DSC3: variants seen among roughly 807,000 people sequenced by gnomAD.
DSC3 encodes desmocollin-3.
Under a neutral mutation model 89.5 loss-of-function variants are expected in DSC3, and 97 were observed. The observed-to-expected ratio is 1.08, with a 90% CI of 0.92 to 1.28. The LOEUF (loss-of-function observed/expected upper bound fraction) is 1.28. Among genes scored for constraint, DSC3 ranks in the 50% most tolerant of loss-of-function variants. DSC3 has a pLI of 0.00. For missense variants in DSC3, 1,199 were observed against 1,085.3 expected, an observed-to-expected ratio of 1.10 and a Z score of -1.47; for synonymous variants, 436 against 384.1, an observed-to-expected ratio of 1.14 and a Z score of -1.58.
Position 30,993,250 on chromosome 18 carries a change from C to T in DSC3, c.*925G>A, listed in dbSNP as rs1050045450. 1.3e-5 allele frequency: 2 copies of T among 152,108 alleles called. No individual in the cohort carries two copies. The highest frequency in any genetic ancestry group is 4.8e-5 in the African/African-American group (2 of 41,408). 9.4% of individuals were successfully genotyped at this position (152,108 alleles called of 1,614,324 possible). A position where few individuals can be genotyped will look rare whatever the true frequency, so the allele number is the denominator to read the frequency against. ...CCTTGCTACCAAAAAGCAGGGAACC[C>T]CAGCTGCAGCGAGTATTCCCCAGTT... is the stretch of plus-strand genomic sequence containing the variant. On this transcript the variant is annotated 3_prime_UTR_variant, in exon 16 of 16. Transcript: ENST00000360428.
chr18:30,995,995 A>G lies in DSC3; in HGVS notation c.2493+796T>C, dbSNP rs996479034. On this transcript the variant is annotated intron_variant, in intron 15 of 15. Transcript: ENST00000360428. ...TTAAAAAAAAAAAAAAAAAAAAAAA[A>G]AAAAGAAAAGAAAGAAAAAAGCTTC... Among the ~76,000 whole-genome samples the G allele has an allele frequency of 3.0e-3, 439 of 147,966 alleles. 11 individuals are homozygous for G. Among genetic ancestry groups the G allele is most frequent in the African/African-American group, 0.011 (420 of 39,504 alleles).
intron 12 of DSC3, among the ~76,000 whole-genome samples, chr18:31,006,097 A>C (rs1035361665): frequency 1.3e-5 from 2 of 152,168 alleles, no homozygotes; most frequent in Non-Finnish European, 2.9e-5. Flanking sequence ...AGTACAGAAC[A>C]TGACAGCCCC....
chr18:31,022,631 T>C (rs1163485499), intron 6 of DSC3, 129 bp from the exon 7 acceptor site: 5 of 1,133,464 alleles, frequency 4.4e-6, no homozygotes, highest in African/African-American at 3.1e-5. Context: ...ATTACCAGAG[T>C]ATTATTTCAT....
intron 5 of DSC3, 39 bp downstream of exon 5, chr18:31,025,721 T>C (rs961245803): frequency 1.9e-6 from 3 of 1,594,548 alleles, no homozygotes; most frequent in Non-Finnish European, 2.6e-6. Context: ...GAAACATAGT[T>C]TAATAATTTA....
At chr18:31,030,036 T>C (rs1436288756) in intron 3 of DSC3, among the ~76,000 whole-genome samples, 1 of 152,200 alleles carries the variant, frequency 6.6e-6, no homozygotes, top group Non-Finnish European at 1.5e-5. Context: ...ATGTATGTCC[T>C]TCACTGCCAT....
At chr18:31,029,667 G>A (rs537697267) in intron 3 of DSC3, 39 bp from the exon 4 acceptor site, 26 of 1,612,108 alleles carry the variant, frequency 1.6e-5, no homozygotes, top group South Asian at 8.8e-5. Flanking sequence ...ATAAACAAAA[G>A]CATCACAGTC....
rs1308220751 is a variant in DSC3, at chr18:30,991,698, T to A, written c.*2477A>T. ...TGGCTTCTGGATACAGCAGGAAATT[T>A]CAGCAACTAGGCTTACAGAGAATTC... On this transcript the variant is annotated 3_prime_UTR_variant, in exon 16 of 16. Transcript: ENST00000360428. The A allele has an allele frequency of 6.6e-6, 1 of 152,182 alleles. No homozygotes were observed. Among genetic ancestry groups the A allele is most frequent in the African/African-American group, 2.4e-5 (1 of 41,460 alleles). The allele number at this position is 152,182 out of a possible 1,614,324, so 9.4% of individuals were successfully genotyped here. A position where few individuals can be genotyped will look rare whatever the true frequency, so the allele number is the denominator to read the frequency against.
At chr18:31,029,184 A>C (rs1367646423) in intron 4 of DSC3, among the ~76,000 whole-genome samples, 2 of 152,144 alleles carry the variant, frequency 1.3e-5, no homozygotes, top group Non-Finnish European at 2.9e-5. Context: ...TCACGAGGCC[A>C]ATAACCCACA....
At chr18:31,017,175 C>G (rs1985263322) in intron 9 of DSC3, among the ~76,000 whole-genome samples, 1 of 152,014 alleles carries the variant, frequency 6.6e-6, no homozygotes, top group Non-Finnish European at 1.5e-5. Context: ...GGCTTGATGT[C>G]AAGAGTCTAT....
chr18:31,027,464 T>TTTCCTTCCTTCCTTCCTTCCTTCCTTCC (rs60932501), intron 4 of DSC3, among the ~76,000 whole-genome samples: 43 of 147,672 alleles, frequency 2.9e-4, no homozygotes, highest in South Asian at 6.7e-4. Context: ...GATGCATTGG[T>TTTCCTTCCTTCCTTCCTTCCTTCCTTCC]TTCCTTCCTT....
intron 1 of DSC3, among the ~76,000 whole-genome samples, chr18:31,034,724 A>G (rs1985915780): frequency 6.6e-6 from 1 of 152,178 alleles, no homozygotes; most frequent in Admixed American, 6.5e-5. Flanking sequence ...AAGAAACTAG[A>G]TACAAAACAA....
intron 6 of DSC3, among the ~76,000 whole-genome samples, chr18:31,023,836 T>A (rs1283506076): frequency 2.6e-5 from 4 of 152,138 alleles, no homozygotes; most frequent in Admixed American, 6.6e-5. Flanking sequence ...GATGTAAGTT[T>A]CTCTGAAGTT....
In DSC3 at chr18:30,992,976, G is replaced by T. The variant is rs1246553106; in HGVS notation, c.*1199C>A. 1 of 152,214 alleles carries T rather than the reference G, an allele frequency of 6.6e-6. No individual in the cohort carries two copies. The highest frequency in any genetic ancestry group is 1.9e-4 in the East Asian group (1 of 5,182). The allele number at this position is 152,214 out of a possible 1,614,324, so 9.4% of individuals were successfully genotyped here. A position where few individuals can be genotyped will look rare whatever the true frequency, so the allele number is the denominator to read the frequency against. ...ATTTTGTAGCTCCCAGACCTGATCA[G>T]GTGTCAAGTTTGTGGGGCTTAGGTT... is the stretch of plus-strand genomic sequence containing the variant. On this transcript the variant is annotated 3_prime_UTR_variant, in exon 16 of 16. Coordinates refer to ENST00000360428, the MANE Select transcript of DSC3 (RefSeq NM_001941.5).
intron 1 of DSC3, among the ~76,000 whole-genome samples, chr18:31,039,116 A>G (rs1461455296): frequency 1.3e-5 from 2 of 152,160 alleles, no homozygotes; most frequent in Non-Finnish European, 2.9e-5. Flanking sequence ...AAATTAAAAT[A>G]TAACAAACTT....
At position 31,010,622 on chromosome 18, in the gene DSC3, C is replaced by T. The variant is rs559999289; in HGVS notation, c.1264-2097G>A. On this transcript the variant is annotated intron_variant, in intron 9 of 15. Coordinates refer to ENST00000360428, the MANE Select transcript of DSC3 (RefSeq NM_001941.5). ...TCCACCTCAGGGTACGTTTTTGTTT[C>T]GCCACTTAAAAAAAGTGCTTAAAAA... is the stretch of plus-strand genomic sequence containing the variant. Among the ~76,000 whole-genome samples, 4 of 152,104 alleles carry T rather than the reference C, an allele frequency of 2.6e-5. No homozygotes were observed. The South Asian group carries it at 8.3e-4, about 32-fold the overall frequency.
intron 9 of DSC3, among the ~76,000 whole-genome samples, chr18:31,010,294 T>C (rs865906436): frequency 2.0e-5 from 3 of 152,224 alleles, no homozygotes; most frequent in Non-Finnish European, 4.4e-5. Context: ...TTGATGCTGA[T>C]GAATACTGTT....
At chr18:31,016,202 A>G (rs1985231071) in intron 9 of DSC3, among the ~76,000 whole-genome samples, 1 of 152,162 alleles carries the variant, frequency 6.6e-6, no homozygotes, top group African/African-American at 2.4e-5. Context: ...GTAGTTATAA[A>G]TACAGCTAGC....
chr18:31,037,738 A>G lies in DSC3; in HGVS notation c.69+4854T>C, dbSNP rs370961942. On this transcript the variant is annotated intron_variant, in intron 1 of 15. Transcript: ENST00000360428. Reference sequence around the variant, plus strand: ...AACATGGTGAAACCTCGTCTCTACTAAAAATACAAAAATTAGCCGGCTGTG... The same window carrying G: ...AACATGGTGAAACCTCGTCTCTACTGAAAATACAAAAATTAGCCGGCTGTG... 3.2e-3 allele frequency among the ~76,000 whole-genome samples: 488 copies of G among 152,208 alleles called. 2 individuals carry two copies. Among genetic ancestry groups the G allele is most frequent in the African/African-American group, 0.011 (463 of 41,534 alleles).
At chr18:31,038,126 T>C (rs903851592) in intron 1 of DSC3, among the ~76,000 whole-genome samples, 12 of 152,230 alleles carry the variant, frequency 7.9e-5, no homozygotes, top group Non-Finnish European at 1.5e-4. Context: ...TACAAATATA[T>C]TGGTTTGTTT....
Sources: gnomAD v4.1 joint callset for allele counts (sites outside exome capture counted in the v4.1 genomes callset) on GRCh38, gnomAD v4.1.1 for gene constraint, MANE v1.5 for transcripts, NCBI Gene and HGNC (gene_info 2026-07-23, HGNC 2026-07-21) for gene names.